The following TSHZ2 variants were observed in gnomAD, a reference collection of about 807,000 sequenced individuals.
TSHZ2 encodes teashirt zinc finger homeobox 2.
In TSHZ2, 21 loss-of-function variants were observed where a neutral mutation model predicts 74.4. The ratio of observed to expected loss-of-function variants is 0.28; its 90% CI spans 0.20 to 0.41. The LOEUF (loss-of-function observed/expected upper bound fraction) is 0.41. Among genes scored for constraint, TSHZ2 ranks in the 10% least tolerant of loss-of-function variants. The pLI, the probability that TSHZ2 is intolerant of heterozygous loss-of-function variation, is 1.00. For missense variants in TSHZ2, 1,244 were observed against 1,293.5 expected (o/e 0.96, Z 0.59); for synonymous variants, 540 against 515.3 (o/e 1.05, Z -0.65).
At chr20:53,189,804 C>T (rs1988683389) in intron 1 of TSHZ2, among the ~76,000 whole-genome samples, 1 of 151,734 alleles carries the variant, frequency 6.6e-6, no homozygotes, top group African/African-American at 2.4e-5. Context: ...AATGTCTGGG[C>T]CAGACACAAT....
chr20:53,180,771 TA>T (rs1424201481), intron 1 of TSHZ2, among the ~76,000 whole-genome samples: 3 of 151,992 alleles, frequency 2.0e-5, no homozygotes, highest in South Asian at 2.1e-4. Flanking sequence ...TTTTTTAAAT[TA>T]AAAAAATTAT....
intron 2 of TSHZ2, among the ~76,000 whole-genome samples, chr20:53,434,171 G>C (rs1600635447): frequency 1.3e-5 from 2 of 152,248 alleles, no homozygotes; most frequent in South Asian, 4.2e-4. Flanking sequence ...CACCCAGCTG[G>C]AATGTATTAA....
chr20:53,105,203 A>G (rs941632031), intron 1 of TSHZ2, among the ~76,000 whole-genome samples: 2 of 152,186 alleles, frequency 1.3e-5, no homozygotes, highest in African/African-American at 4.8e-5. Flanking sequence ...GGCCACGTGA[A>G]ATTTGCAATG....
At chr20:53,004,841 C>T (rs1411936331) in intron 1 of TSHZ2, among the ~76,000 whole-genome samples, 1 of 152,180 alleles carries the variant, frequency 6.6e-6, no homozygotes, top group Non-Finnish European at 1.5e-5. Context: ...ATGGGCTGTA[C>T]ATGAATCTTC....
rs563043876 is a variant in TSHZ2, at chr20:53,049,831, C to A, written c.40+76498C>A. Among the ~76,000 whole-genome samples the A allele has an allele frequency of 1.1e-4, 17 of 152,154 alleles. No individual in the cohort carries two copies. The South Asian group carries it at 2.9e-3, about 26-fold the overall frequency. On this transcript the variant is annotated intron_variant, in intron 1 of 2. Transcript: ENST00000371497. ...GGGCAGTGGCTCACGCCTGTAATCT[C>A]AGCACTTTGGGAAGCCAAGGCAGGT... is the stretch of plus-strand genomic sequence containing the variant.
chr20:53,194,717 C>A (rs143621700), intron 1 of TSHZ2, among the ~76,000 whole-genome samples: 141 of 152,332 alleles, frequency 9.3e-4, no homozygotes, highest in African/African-American at 3.3e-3. Context: ...TTATTAAGGC[C>A]TGGGTAAGGC....
intron 2 of TSHZ2, among the ~76,000 whole-genome samples, chr20:53,479,402 G>A (rs1347415916): frequency 3.3e-5 from 5 of 152,110 alleles, no homozygotes; most frequent in African/African-American, 1.2e-4. Flanking sequence ...GATGTAATGA[G>A]GCAGTCAGAT....
intron 1 of TSHZ2, among the ~76,000 whole-genome samples, chr20:53,043,543 A>G (rs896449780): frequency 7.9e-5 from 12 of 152,054 alleles, no homozygotes; most frequent in African/African-American, 2.7e-4. Flanking sequence ...TTAATCTTGC[A>G]CTTAAAAAAA....
chr20:53,349,061 T>C (rs769872873), intron 2 of TSHZ2, among the ~76,000 whole-genome samples: 4 of 152,208 alleles, frequency 2.6e-5, no homozygotes, highest in Non-Finnish European at 4.4e-5. Flanking sequence ...AAAATCTCTC[T>C]GCAAAGCCCA....
At chr20:53,456,008 C>A (rs1985059909) in intron 2 of TSHZ2, among the ~76,000 whole-genome samples, 1 of 151,986 alleles carries the variant, frequency 6.6e-6, no homozygotes, top group African/African-American at 2.4e-5. Flanking sequence ...GTGAATAATG[C>A]CACAATAAAC....
intron 1 of TSHZ2, among the ~76,000 whole-genome samples, chr20:52,986,590 G>T (rs529880799): frequency 6.6e-6 from 1 of 151,764 alleles, no homozygotes; most frequent in African/African-American, 2.4e-5. Context: ...TTAGCCAGGC[G>T]TGATGGGGCA....
At chr20:53,053,925 GC>G (rs1170009043) in intron 1 of TSHZ2, among the ~76,000 whole-genome samples, 1 of 152,136 alleles carries the variant, frequency 6.6e-6, no homozygotes, top group Admixed American at 6.6e-5. Context: ...TAGTGACTGC[GC>G]CCTAACTGAA....
chr20:53,159,650 G>GT (rs991838942), intron 1 of TSHZ2, among the ~76,000 whole-genome samples: 4 of 142,818 alleles, frequency 2.8e-5, no homozygotes, highest in African/African-American at 1.0e-4. Context: ...AAAAACAGGA[G>GT]TTAAAAAAAA....
At chr20:53,347,293 G>T (rs140057379) in intron 2 of TSHZ2, among the ~76,000 whole-genome samples, 2 of 152,122 alleles carry the variant, frequency 1.3e-5, no homozygotes, top group Non-Finnish European at 2.9e-5. Context: ...CTGAGTTGTG[G>T]TGACTAAATT....
At chr20:52,978,945 T>C (rs976015622) in intron 1 of TSHZ2, among the ~76,000 whole-genome samples, 1 of 152,078 alleles carries the variant, frequency 6.6e-6, no homozygotes, top group Non-Finnish European at 1.5e-5. Context: ...TTTGTAACAA[T>C]TGGTATTTTT....
At chr20:53,292,895 A>G (rs78155803) in intron 2 of TSHZ2, among the ~76,000 whole-genome samples, 6,887 of 152,340 alleles carry the variant, frequency 0.045, 199 homozygotes, top group Non-Finnish European at 0.07. Context: ...AGCAAGGCTC[A>G]GATAAAAGTC....
intron 1 of TSHZ2, among the ~76,000 whole-genome samples, chr20:53,007,499 T>G (rs551737507): frequency 1.5e-4 from 23 of 152,294 alleles, no homozygotes; most frequent in African/African-American, 5.5e-4. Flanking sequence ...ACGTGTTGGA[T>G]AAAATAATTT....
At chr20:52,989,517 G>T (rs1981896860) in intron 1 of TSHZ2, among the ~76,000 whole-genome samples, 1 of 152,098 alleles carries the variant, frequency 6.6e-6, no homozygotes, top group African/African-American at 2.4e-5. Context: ...AATAGTTAAG[G>T]ACTCTTTGAA....
rs1007317373 is a variant in TSHZ2, at chr20:53,039,878, T to G, written c.40+66545T>G. On this transcript the variant is annotated intron_variant, in intron 1 of 2. Transcript: ENST00000371497. ...ATCTCAGCACTTTGGGAGGCCAAAGTGGGCGGATCACAAGGCCAGGAGATT... is the reference window on the plus strand; with the variant it reads ...ATCTCAGCACTTTGGGAGGCCAAAGGGGGCGGATCACAAGGCCAGGAGATT... 4.0e-5 allele frequency among the ~76,000 whole-genome samples: 6 copies of G among 151,822 alleles called. No individual in the cohort carries two copies. In the East Asian group the frequency reaches 7.8e-4, roughly 20 times the overall value.
Sources: gnomAD v4.1 joint callset for allele counts (sites outside exome capture counted in the v4.1 genomes callset) on GRCh38, gnomAD v4.1.1 for gene constraint, MANE v1.5 for transcripts, NCBI Gene and HGNC (gene_info 2026-07-23, HGNC 2026-07-21) for gene names.